Variants in DCC observed in about 807,000 individuals in gnomAD.
The protein encoded by DCC is netrin receptor DCC.
DCC carries 58 observed loss-of-function variants against 172.5 expected under a neutral mutation model. The observed-to-expected ratio is 0.34, with a 90% CI of 0.27 to 0.42. The LOEUF (loss-of-function observed/expected upper bound fraction) is 0.42, where lower values mean the gene tolerates loss of function less well. Ranked by LOEUF, DCC falls within the 10% of genes least tolerant of loss-of-function variation. The pLI is 1.00. For synonymous variants in DCC, 709 were observed against 644.5 expected, an observed-to-expected ratio of 1.10 and a Z score of -1.52; for missense variants, 1,740 against 1,791.0, an observed-to-expected ratio of 0.97 and a Z score of 0.51.
chr18:53,065,729 T>C (rs1336352496), intron 6 of DCC, among the ~76,000 whole-genome samples: 2 of 152,188 alleles, frequency 1.3e-5, no homozygotes, highest in African/African-American at 4.8e-5. Flanking sequence ...ATGGTAATCT[T>C]TGTTGCTTCT....
intron 2 of DCC, among the ~76,000 whole-genome samples, chr18:52,859,263 C>G (rs1251764212): frequency 6.6e-6 from 1 of 152,090 alleles, no homozygotes; most frequent in Non-Finnish European, 1.5e-5. Flanking sequence ...TTGTTGAGGA[C>G]TAATGGTGGA....
chr18:53,259,895 A>T (rs1010448705), intron 12 of DCC, among the ~76,000 whole-genome samples: 2 of 59,728 alleles, frequency 3.3e-5, no homozygotes, highest in African/African-American at 1.2e-4. Flanking sequence ...TATTTCTTGG[A>T]GGCTTTGTTC....
chr18:53,268,237 G>T (rs1380061245), intron 12 of DCC, among the ~76,000 whole-genome samples: 2 of 152,046 alleles, frequency 1.3e-5, no homozygotes, highest in African/African-American at 4.8e-5. Context: ...AAAGCATCAT[G>T]ATTTTTACAG....
At chr18:52,368,222 T>C (rs1478348739) in intron 1 of DCC, among the ~76,000 whole-genome samples, 1 of 152,224 alleles carries the variant, frequency 6.6e-6, no homozygotes, top group Non-Finnish European at 1.5e-5. Flanking sequence ...TCTGAAAGTA[T>C]GTTTTGAGTG....
chr18:52,992,150 C>T (rs1347315093), intron 5 of DCC, among the ~76,000 whole-genome samples: 3 of 152,190 alleles, frequency 2.0e-5, no homozygotes, highest in Admixed American at 6.5e-5. Flanking sequence ...GGAAGCATGA[C>T]GCTTAGTCAT....
intron 1 of DCC, among the ~76,000 whole-genome samples, chr18:52,577,028 G>T (rs2033430935): frequency 6.6e-6 from 1 of 152,046 alleles, no homozygotes; most frequent in South Asian, 2.1e-4. Context: ...GTCAATATTT[G>T]GGTGTTTTCA....
chr18:53,374,735 T>A (rs2058092364), intron 15 of DCC, among the ~76,000 whole-genome samples: 1 of 152,162 alleles, frequency 6.6e-6, no homozygotes, highest in Non-Finnish European at 1.5e-5. Context: ...CAGACACTTG[T>A]TGAGTGAAAT....
intron 2 of DCC, among the ~76,000 whole-genome samples, chr18:52,806,652 G>T: frequency 6.6e-6 from 1 of 152,140 alleles, no homozygotes; most frequent in East Asian, 1.9e-4. Context: ...GTCTTTTCTG[G>T]GAATGGGTAG....
rs1023586457 is a variant in DCC at position 53,257,997 on chromosome 18, G to A, written c.1911+42400G>A. ...CTTCTAGATTTTCTAGTTTATTTGT[G>A]TAGAGGTCTTTATAGTATTCTCTGA... On this transcript the variant is annotated intron_variant, in intron 12 of 28. Transcript: ENST00000442544. Among the ~76,000 whole-genome samples the A allele has an allele frequency of 2.1e-4, 32 of 152,252 alleles. No individual in the cohort carries two copies. In the East Asian group the frequency reaches 3.7e-3, roughly 17 times the overall value.
chr18:52,822,914 G>T (rs1279144223), intron 2 of DCC, among the ~76,000 whole-genome samples: 2 of 151,248 alleles, frequency 1.3e-5, no homozygotes, highest in East Asian at 3.9e-4. Flanking sequence ...GAAAGATGTT[G>T]GGATATTTAA....
intron 1 of DCC, among the ~76,000 whole-genome samples, chr18:52,398,153 G>A (rs932488145): frequency 2.7e-5 from 4 of 146,240 alleles, no homozygotes; most frequent in Non-Finnish European, 4.6e-5. Flanking sequence ...GAATAGGATA[G>A]AGCTAATTTA....
At position 53,095,792 on chromosome 18, in the gene DCC, C is replaced by CTTTTTTT. The variant is rs71175552; in HGVS notation, c.1261+29637_1261+29643dup. Among the ~76,000 whole-genome samples the CTTTTTTT allele has an allele frequency of 6.4e-4, 81 of 126,218 alleles. 3 individuals are homozygous for CTTTTTTT. The highest frequency in any genetic ancestry group is 3.8e-3 in the South Asian group (14 of 3,678). 82.8% of individuals were successfully genotyped at this position (126,218 alleles called of 152,430 possible). ...TTTCTAGGGATTGGGATATGGATATCTTTTTTTTTTTTTTTTTGGAGGGTA... is the reference window on the plus strand; with the variant it reads ...TTTCTAGGGATTGGGATATGGATATCTTTTTTTTTTTTTTTTTTTTTTTTGGAGGGTA... On this transcript the variant is annotated intron_variant, in intron 7 of 28. Transcript: ENST00000442544.
At chr18:53,174,864 A>G (rs1293648735) in intron 8 of DCC, among the ~76,000 whole-genome samples, 1 of 152,148 alleles carries the variant, frequency 6.6e-6, no homozygotes, top group East Asian at 1.9e-4. Flanking sequence ...CCAGGCAGAG[A>G]CACAACAAAA....
chr18:53,298,527 C>CAAAAAAAAAAA (rs61387067), intron 12 of DCC, among the ~76,000 whole-genome samples: 1 of 33,080 alleles, frequency 3.0e-5, no homozygotes, highest in African/African-American at 8.6e-5. Flanking sequence ...GACCCTGACT[C>CAAAAAAAAAAA]AAAAAAAAAA....
At chr18:53,105,001 T>C (rs2043224324) in intron 7 of DCC, among the ~76,000 whole-genome samples, 1 of 152,056 alleles carries the variant, frequency 6.6e-6, no homozygotes, top group Admixed American at 6.6e-5. Context: ...AAATGCATTC[T>C]AGTTTTCATG....
In DCC at chr18:53,093,837, C is replaced by G. The variant is rs113859523; in HGVS notation, c.1261+27671C>G. On this transcript the variant is annotated intron_variant, in intron 7 of 28. Coordinates refer to ENST00000442544, the MANE Select transcript of DCC (RefSeq NM_005215.4). Reference sequence around the variant, plus strand: ...TTAGGCATGACAGATTTGTATTCAGCGATAAACGCCTGACCTTGCTCTACT... The same window carrying G: ...TTAGGCATGACAGATTTGTATTCAGGGATAAACGCCTGACCTTGCTCTACT... Among the ~76,000 whole-genome samples the G allele has an allele frequency of 7.7e-3, 1,177 of 152,256 alleles. 15 individuals are homozygous for G. Among genetic ancestry groups the G allele is most frequent in the African/African-American group, 0.028 (1,148 of 41,526 alleles).
chr18:52,607,532 C>G (rs1433627654), intron 1 of DCC, among the ~76,000 whole-genome samples: 1 of 152,112 alleles, frequency 6.6e-6, no homozygotes, highest in African/African-American at 2.4e-5. Context: ...TAGCTCAAAT[C>G]TGAACCAGTG....
chr18:52,807,207 T>A (rs1400650656), intron 2 of DCC, among the ~76,000 whole-genome samples: 2 of 152,032 alleles, frequency 1.3e-5, no homozygotes, highest in Non-Finnish European at 2.9e-5. Flanking sequence ...AATTCAGAGT[T>A]AAGGTGGAGT....
intron 12 of DCC, among the ~76,000 whole-genome samples, chr18:53,257,647 T>C (rs1205791601): frequency 2.0e-5 from 3 of 152,102 alleles, no homozygotes; most frequent in Admixed American, 2.0e-4. Context: ...CAGATGTTCA[T>C]CAGGGATATT....
Sources: allele counts gnomAD v4.1 joint callset (sites outside exome capture counted in the v4.1 genomes callset), GRCh38; gene constraint gnomAD v4.1.1; transcripts MANE v1.5; gene names NCBI Gene and HGNC (gene_info 2026-07-23, HGNC 2026-07-21).